SLC34A1: variants seen among roughly 807,000 people sequenced by gnomAD.
SLC34A1 encodes sodium-dependent phosphate transport protein 2A.
SLC34A1 carries 57 observed loss-of-function variants against 51.4 expected under a neutral mutation model. The observed-to-expected ratio is 1.11, with a 90% CI of 0.90 to 1.38. The LOEUF (loss-of-function observed/expected upper bound fraction) is 1.38. Ranked by LOEUF, SLC34A1 falls within the 40% of genes most tolerant of loss-of-function variation. SLC34A1 has a pLI of 0.00. For missense variants in SLC34A1, 796 were observed against 835.6 expected (o/e 0.95, Z 0.58); for synonymous variants, 368 against 358.0 (o/e 1.03, Z -0.32).
intron 6 of SLC34A1, 55 bp downstream of exon 6, chr5:177,387,928 C>T: frequency 1.2e-6 from 2 of 1,609,248 alleles, no homozygotes; most frequent in East Asian, 4.5e-5. Context: ...GCCCCAGATG[C>T]CAGGAACCCC....
intron 12 of SLC34A1, chr5:177,397,376 T>C (rs1056253921): frequency 8.1e-6 from 4 of 496,864 alleles, no homozygotes; most frequent in South Asian, 6.3e-5. Flanking sequence ...GGGGAATCCA[T>C]TGCGGGGGTC....
intron 10 of SLC34A1, among the ~76,000 whole-genome samples, chr5:177,395,325 C>G (rs866629713): frequency 6.6e-6 from 1 of 152,068 alleles, no homozygotes; most frequent in Admixed American, 6.6e-5. Flanking sequence ...TGTTTGAGGC[C>G]GCTCAGTGCA....
rs767570587 is a variant in SLC34A1, at chr5:177,388,795, G to A, written c.936+423G>A. ...CAAGTTTGAGAACCGCTGATCCAGC[G>A]CAACCCTTGGGTTTCACAGGTAGAG... On this transcript the variant is annotated intron_variant, in intron 8 of 12. Coordinates refer to ENST00000324417, the MANE Select transcript of SLC34A1 (RefSeq NM_003052.5). The surrounding 1 kb of genome is among the most constrained non-coding windows in gnomAD (Gnocchi z 4.3). Among the ~76,000 whole-genome samples, 13 of 152,262 alleles carry A rather than the reference G, an allele frequency of 8.5e-5. No individual in the cohort carries two copies. Among genetic ancestry groups the A allele is most frequent in the Non-Finnish European group, 1.6e-4 (11 of 68,026 alleles).
At chr5:177,387,731 A>C in intron 5 of SLC34A1, 31 bp from the exon 6 acceptor site, 1 of 1,578,402 alleles carries the variant, frequency 6.3e-7, no homozygotes, top group Non-Finnish European at 8.7e-7. Flanking sequence ...GGTGACCGTC[A>C]AATTCATTAG....
intron 12 of SLC34A1, 91 bp downstream of exon 12, chr5:177,397,165 T>C: frequency 6.6e-7 from 1 of 1,515,916 alleles, no homozygotes; most frequent in Non-Finnish European, 8.9e-7. Flanking sequence ...GGAACAAATA[T>C]TTTGACTGCC....
rs771286435 is a variant in SLC34A1, at chr5:177,394,159, C to G, written c.1138C>G (p.Gln380Glu). ...GATGCTCAACTCCCTGCTCAAGGGC[C>G]AAGTGGCCAAGGTCATCCAGAAGGT... is the stretch of plus-strand genomic sequence containing the variant. ...VKMLNSLLKGQVAKVIQKVIN... is the reference protein window; with the variant it reads ...VKMLNSLLKGEVAKVIQKVIN... Residue 380 changes from glutamine (Q) to glutamate (E), a missense_variant, in exon 10 of 13, where the codon CAA becomes GAA. Gln to Glu is a conservative substitution (Grantham distance 29). Transcript: ENST00000324417. 1.9e-6 allele frequency: 3 copies of G among 1,613,946 alleles called. No individual in the cohort carries two copies. The African/African-American group carries it at 4.0e-5, about 22-fold the overall frequency.
At chr5:177,385,311 A>C (rs1240560584) in intron 1 of SLC34A1, among the ~76,000 whole-genome samples, 1 of 152,112 alleles carries the variant, frequency 6.6e-6, no homozygotes, top group Non-Finnish European at 1.5e-5. Context: ...CTCAGTTCTC[A>C]GTGTCTTTTA....
Position 177,389,755 on chromosome 5 carries a change from C to T in SLC34A1, c.936+1383C>T, listed in dbSNP as rs544190011. ...CCTGCCGGCCACCTACTGCAGCTTC[C>T]GGCAGATCTCAACCAGCAGCCTCCA... On this transcript the variant is annotated intron_variant, in intron 8 of 12. Transcript: ENST00000324417. The T allele has an allele frequency of 1.1e-3, 1,658 of 1,537,154 alleles. 10 individuals carry two copies. The Middle Eastern group carries it at 0.023, about 22-fold the overall frequency.
chr5:177,392,334 G>A (rs1249559190), intron 8 of SLC34A1, among the ~76,000 whole-genome samples: 2 of 152,152 alleles, frequency 1.3e-5, no homozygotes, highest in African/African-American at 2.4e-5. Flanking sequence ...GTGGTGGCAG[G>A]GGCCTGTAAC....
Position 177,388,704 on chromosome 5 carries a change from T to C in SLC34A1, c.936+332T>C, listed in dbSNP as rs1245988745. 6.6e-6 allele frequency among the ~76,000 whole-genome samples: 1 copy of C among 152,136 alleles called. No individual in the cohort carries two copies. Among genetic ancestry groups the C allele is most frequent in the African/African-American group, 2.4e-5 (1 of 41,414 alleles). On this transcript the variant is annotated intron_variant, in intron 8 of 12. Coordinates refer to ENST00000324417, the MANE Select transcript of SLC34A1 (RefSeq NM_003052.5). The surrounding 1 kb of genome is among the most constrained non-coding windows in gnomAD (Gnocchi z 4.3). ...TGCCCTTCCCTAGACCTACTGAATC[T>C]GGAAACCCCTGGGAGCGGGGCCAAT...
chr5:177,392,128 C>A (rs931443632), intron 8 of SLC34A1, among the ~76,000 whole-genome samples: 2 of 152,232 alleles, frequency 1.3e-5, no homozygotes, highest in African/African-American at 2.4e-5. Context: ...GGGAGCACAT[C>A]CCGCTAAAAT....
chr5:177,397,996 G>A lies in SLC34A1; in HGVS notation c.1630G>A (p.Val544Met). ...GGCAGGCTGGCAGGTCATGGTAGGT[G>A]TGGGCACGCCCTTCGGGGCCCTGCT... The part of the protein sequence containing the change: ...SMAGWQVMVG[V>M]GTPFGALLAF... The change falls in exon 13 of 13, where the codon GTG becomes ATG. Residue 544 changes from valine to methionine, a missense_variant. Coordinates refer to ENST00000324417, the MANE Select transcript of SLC34A1 (RefSeq NM_003052.5). 5 of 1,614,058 alleles carry A rather than the reference G, an allele frequency of 3.1e-6. No homozygotes were observed. The South Asian group carries it at 5.5e-5, about 18-fold the overall frequency.
At position 177,388,236 on chromosome 5, in the gene SLC34A1, C is replaced by A. The variant is rs1420746589; in HGVS notation, c.841-41C>A. The stretch of plus-strand genomic sequence containing the variant: ...GGGTGAGGGTGGGGGTAACAAGGGA[C>A]CCAGCCTCCTTCACTCCCCCTGCCC... On this transcript the variant is annotated intron_variant, in intron 7 of 12. Coordinates refer to ENST00000324417, the MANE Select transcript of SLC34A1 (RefSeq NM_003052.5). The surrounding 1 kb of genome is among the most constrained non-coding windows in gnomAD (Gnocchi z 4.3). 1.9e-6 allele frequency: 3 copies of A among 1,613,684 alleles called. No individual in the cohort carries two copies. Among genetic ancestry groups the A allele is most frequent in the Non-Finnish European group, 8.5e-7 (1 of 1,179,790 alleles).
Position 177,388,457 on chromosome 5 carries a change from C to G in SLC34A1, c.936+85C>G. ...GTCTGTTCAAAATGCTCCAGATAGA[C>G]CTTGAAGATCATTTAGCCAGGAGAG... On this transcript the variant is annotated intron_variant, in intron 8 of 12. Coordinates refer to ENST00000324417, the MANE Select transcript of SLC34A1 (RefSeq NM_003052.5). The surrounding 1 kb of genome is among the most constrained non-coding windows in gnomAD (Gnocchi z 4.3). 1 of 1,178,474 alleles carries G rather than the reference C, an allele frequency of 8.5e-7. No individual in the cohort carries two copies. The highest frequency in any genetic ancestry group is 1.2e-5 in the South Asian group (1 of 80,088). The allele number at this position is 1,178,474 out of a possible 1,614,324, so 73.0% of individuals were successfully genotyped here.
chr5:177,397,433 A>C, intron 12 of SLC34A1: 1 of 494,078 alleles, frequency 2.0e-6, no homozygotes, highest in Non-Finnish European at 3.7e-6. Context: ...CAAAGGAGTA[A>C]CTGACAAGCC....
intron 8 of SLC34A1, chr5:177,389,595 C>T (rs1211484425): frequency 1.3e-6 from 2 of 1,536,960 alleles, no homozygotes; most frequent in Non-Finnish European, 1.7e-6. Context: ...TCTCTGAGCA[C>T]TCTTAGTGCT....
rs888303582 is a variant in SLC34A1 at position 177,396,377 on chromosome 5, T to A, written c.1175-356T>A. The stretch of plus-strand genomic sequence containing the variant: ...AGCAAAGAGGCCAAGTGGAAGCAAC[T>A]GCAGTGGGAGCAAACCCCCATGGAG... On this transcript the variant is annotated intron_variant, in intron 10 of 12. Transcript: ENST00000324417. This position sits in a 1 kb window ranked among gnomAD's most constrained non-coding sequence, Gnocchi z 4.0. Among the ~76,000 whole-genome samples, 3 of 152,178 alleles carry A rather than the reference T, an allele frequency of 2.0e-5. No homozygotes were observed. Among genetic ancestry groups the A allele is most frequent in the African/African-American group, 7.2e-5 (3 of 41,446 alleles).
At position 177,386,423 on chromosome 5, in the gene SLC34A1, G is replaced by A. The variant is rs576880299; in HGVS notation, c.389G>A (p.Gly130Glu). The A allele has an allele frequency of 1.2e-6, 2 of 1,614,230 alleles. No homozygotes were observed. The highest frequency in any genetic ancestry group is 2.2e-5 in the South Asian group (2 of 91,082). Residue 130 changes from glycine to glutamate, a missense_variant and splice_region_variant, in exon 5 of 13, where the codon GGG becomes GAG. Coordinates refer to ENST00000324417, the MANE Select transcript of SLC34A1 (RefSeq NM_003052.5). This position sits in a 1 kb window ranked among gnomAD's most constrained non-coding sequence, Gnocchi z 4.8. ...MLSSAFQLAGGKVAGDIFKDN... is the reference protein window; with the variant it reads ...MLSSAFQLAGEKVAGDIFKDN... ...GACAACGCTGGCTCATGCTCCCCAG[G>A]GAAGGTGGCTGGTGACATCTTCAAG...
At position 177,396,392 on chromosome 5, in the gene SLC34A1, C is replaced by G. The variant is rs572251465; in HGVS notation, c.1175-341C>G. Among the ~76,000 whole-genome samples, 5 of 152,270 alleles carry G rather than the reference C, an allele frequency of 3.3e-5. No homozygotes were observed. Among genetic ancestry groups the G allele is most frequent in the African/African-American group, 1.2e-4 (5 of 41,568 alleles). On this transcript the variant is annotated intron_variant, in intron 10 of 12. Transcript: ENST00000324417. The surrounding 1 kb of genome is among the most constrained non-coding windows in gnomAD (Gnocchi z 4.0). Reference sequence around the variant, plus strand: ...TGGAAGCAACTGCAGTGGGAGCAAACCCCCATGGAGGTCGTCTCTCCCAGT... The same window carrying G: ...TGGAAGCAACTGCAGTGGGAGCAAAGCCCCATGGAGGTCGTCTCTCCCAGT...
Sources: gnomAD v4.1 joint callset for allele counts (sites outside exome capture counted in the v4.1 genomes callset) on GRCh38, gnomAD v4.1.1 for gene constraint, Gnocchi (gnomAD v3.1) non-coding constraint, MANE v1.5 for transcripts, NCBI Gene and HGNC (gene_info 2026-07-23, HGNC 2026-07-21) for gene names.